TTC28: variants seen among roughly 807,000 people sequenced by gnomAD.
The protein encoded by TTC28 is tetratricopeptide repeat protein 28.
In TTC28, 61 loss-of-function variants were observed where a neutral mutation model predicts 198.0. The ratio of observed to expected loss-of-function variants is 0.31; its 90% CI spans 0.25 to 0.38. The LOEUF is 0.38. Among genes scored for constraint, TTC28 ranks in the 10% least tolerant of loss-of-function variants. TTC28 has a pLI of 1.00. For synonymous variants in TTC28, 1,171 were observed against 1,297.8 expected, an observed-to-expected ratio of 0.90 and a Z score of 2.10; for missense variants, 2,678 against 3,164.0, an observed-to-expected ratio of 0.85 and a Z score of 3.69.
intron 6 of TTC28, among the ~76,000 whole-genome samples, chr22:28,125,840 A>G (rs1370200942): frequency 2.0e-5 from 3 of 152,234 alleles, no homozygotes; most frequent in Non-Finnish European, 4.4e-5. Context: ...AATGTTGCAT[A>G]GCTCATTACA....
chr22:28,107,930 T>A lies in TTC28; in HGVS notation c.1915A>T (p.Asn639Tyr), dbSNP rs571445449. ...DMEGEGKVCH[N>Y]LGYAHYCLGN... ...AGGCAGTAATGGGCATAGCCAAGAT[T>A]GTGGCAGACCTTCCCTTCTCCTTCC... The change falls in exon 7 of 23, where the codon AAT becomes TAT. Residue 639 changes from asparagine to tyrosine, a missense_variant. Asn to Tyr is a moderately radical substitution (Grantham distance 143). Transcript: ENST00000397906. 3.2e-6 allele frequency: 5 copies of A among 1,551,686 alleles called. No individual in the cohort carries two copies. The highest frequency in any genetic ancestry group is 2.7e-5 in the African/African-American group (2 of 73,144).
chr22:28,151,634 T>C (rs1455081351), intron 6 of TTC28, among the ~76,000 whole-genome samples: 2 of 152,214 alleles, frequency 1.3e-5, no homozygotes, highest in Non-Finnish European at 2.9e-5. Context: ...AGGATGCGCA[T>C]GTCATAACCT....
chr22:28,210,406 G>A (rs897893595), intron 5 of TTC28, among the ~76,000 whole-genome samples: 7 of 152,094 alleles, frequency 4.6e-5, no homozygotes, highest in African/African-American at 1.2e-4. Flanking sequence ...GATTGGACGA[G>A]TGGCTAACTA....
At chr22:28,156,389 T>C (rs1231317427) in intron 6 of TTC28, among the ~76,000 whole-genome samples, 1 of 152,234 alleles carries the variant, frequency 6.6e-6, no homozygotes, top group Non-Finnish European at 1.5e-5. Flanking sequence ...TATTCTCCTC[T>C]GGACTCTGAA....
rs906287816 is a variant in TTC28, at chr22:28,163,545, A to G, written c.988T>C (p.Tyr330His). 5 of 1,551,406 alleles carry G rather than the reference A, an allele frequency of 3.2e-6. No homozygotes were observed. Among genetic ancestry groups the G allele is most frequent in the Non-Finnish European group, 4.4e-6 (5 of 1,146,904 alleles). ...LGHVYTAIGD[Y>H]PNALASHKQC... ...TTGTGACTGGCCAGTGCATTGGGGTAGTCTCCAATGGCTGTGTACACGTGG... is the reference window on the plus strand; with the variant it reads ...TTGTGACTGGCCAGTGCATTGGGGTGGTCTCCAATGGCTGTGTACACGTGG... The change falls in exon 6 of 23, where the codon TAC (tyrosine) becomes CAC (histidine). Residue 330 changes from tyrosine (Y) to histidine (H), a missense_variant. Transcript: ENST00000397906.
chr22:28,134,803 T>C lies in TTC28; in HGVS notation c.1442-26400A>G, dbSNP rs147781539. ...GATATTATCCAGGAGAACTGGATAA[T>C]TTTAGTTCTAAACTTTCCATCTGGT... On this transcript the variant is annotated intron_variant, in intron 6 of 22. Transcript: ENST00000397906. Among the ~76,000 whole-genome samples, 669 of 152,188 alleles carry C rather than the reference T, an allele frequency of 4.4e-3. 4 individuals are homozygous for C. Among genetic ancestry groups the C allele is most frequent in the Non-Finnish European group, 6.4e-3 (436 of 68,020 alleles).
At chr22:28,446,487 C>T (rs926984159) in intron 2 of TTC28, among the ~76,000 whole-genome samples, 4 of 152,094 alleles carry the variant, frequency 2.6e-5, no homozygotes, top group Non-Finnish European at 5.9e-5. Context: ...GGGCTGGATC[C>T]CTCATGAATG....
At chr22:28,035,192 C>T (rs537398996) in intron 12 of TTC28, among the ~76,000 whole-genome samples, 1 of 152,144 alleles carries the variant, frequency 6.6e-6, no homozygotes, top group African/African-American at 2.4e-5. Flanking sequence ...TCCCCACCCC[C>T]CTCCAGGCTT....
At chr22:28,036,056 C>G (rs575034843) in intron 12 of TTC28, among the ~76,000 whole-genome samples, 8 of 152,120 alleles carry the variant, frequency 5.3e-5, no homozygotes, top group Admixed American at 5.2e-4. Context: ...ACTTTAACAC[C>G]CCTCTGTCGA....
At chr22:28,003,832 C>T (rs1272745639) in intron 14 of TTC28, among the ~76,000 whole-genome samples, 1 of 152,220 alleles carries the variant, frequency 6.6e-6, no homozygotes, top group Non-Finnish European at 1.5e-5. Context: ...TCTGCTCCAA[C>T]ACTCCACCAG....
intron 5 of TTC28, among the ~76,000 whole-genome samples, chr22:28,264,744 C>T (rs1420073020): frequency 6.6e-6 from 1 of 152,010 alleles, no homozygotes; most frequent in Non-Finnish European, 1.5e-5. Flanking sequence ...GTCAGAATGA[C>T]CACATGGGAG....
chr22:28,015,628 G>A (rs1938339700), intron 13 of TTC28, among the ~76,000 whole-genome samples: 1 of 151,502 alleles, frequency 6.6e-6, no homozygotes, highest in South Asian at 2.1e-4. Context: ...GTCTCACTGT[G>A]TTACCCAGGC....
intron 2 of TTC28, among the ~76,000 whole-genome samples, chr22:28,532,841 T>G (rs538788381): frequency 6.6e-6 from 1 of 152,130 alleles, no homozygotes; most frequent in Non-Finnish European, 1.5e-5. Context: ...GTAAAGGTCT[T>G]TGACAAAATT....
At chr22:28,677,255 A>T (rs2052012359) in intron 1 of TTC28, among the ~76,000 whole-genome samples, 1 of 150,668 alleles carries the variant, frequency 6.6e-6, no homozygotes, top group East Asian at 1.9e-4. Context: ...ATAAAATAAA[A>T]TTCAATTTAA....
chr22:28,215,094 C>CA lies in TTC28; in HGVS notation c.934-51496dup, dbSNP rs576992968. 4.5e-3 allele frequency among the ~76,000 whole-genome samples: 690 copies of CA among 151,956 alleles called. 2 individuals carry two copies. The highest frequency in any genetic ancestry group is 0.015 in the African/African-American group (625 of 41,404). On this transcript the variant is annotated intron_variant, in intron 5 of 22. Transcript: ENST00000397906. ...GGGAACTGAACAATGAGAACACTTG[C>CA]ACACAGGGTGGGGAACATCACACAC...
chr22:28,304,101 C>T (rs1413380849), intron 3 of TTC28, among the ~76,000 whole-genome samples: 2 of 151,896 alleles, frequency 1.3e-5, no homozygotes, highest in Admixed American at 6.6e-5. Flanking sequence ...CTGGCTAACA[C>T]GATGAAACCC....
chr22:28,437,629 G>A (rs1453987384), intron 2 of TTC28, among the ~76,000 whole-genome samples: 1 of 152,010 alleles, frequency 6.6e-6, no homozygotes, highest in Non-Finnish European at 1.5e-5. Context: ...GTATTGCTCT[G>A]TCACTCAGGC....
At position 28,001,421 on chromosome 22, in the gene TTC28, C is replaced by T. The variant is rs767044155; in HGVS notation, c.4351G>A (p.Gly1451Ser). Residue 1451 changes from glycine (G) to serine (S), a missense_variant, in exon 15 of 23, where the codon GGC (glycine) becomes AGC (serine). Transcript: ENST00000397906. ...SSNEYLYERF[G>S]LLAVPSIRSL... ...CGGATGGAAGGGACAGCAAGGAGGC[C>T]GAAGCGCTCGTAGAGGTACTCATTG... The T allele has an allele frequency of 1.4e-5, 21 of 1,551,384 alleles. No individual in the cohort carries two copies. The East Asian group carries it at 2.7e-4, about 20-fold the overall frequency.
intron 5 of TTC28, among the ~76,000 whole-genome samples, chr22:28,234,555 T>C (rs1341127901): frequency 1.3e-5 from 2 of 151,706 alleles, no homozygotes; most frequent in Non-Finnish European, 2.9e-5. Flanking sequence ...GTATTTTTAG[T>C]AGAGATAGGG....
Sources: allele counts gnomAD v4.1 joint callset (sites outside exome capture counted in the v4.1 genomes callset), GRCh38; gene constraint gnomAD v4.1.1; transcripts MANE v1.5; gene names NCBI Gene and HGNC (gene_info 2026-07-23, HGNC 2026-07-21).